MAPT: variants seen among roughly 807,000 people sequenced by gnomAD.
MAPT encodes the protein microtubule associated protein tau, also known as microtubule-associated protein tau.
A neutral mutation model predicts 67.9 loss-of-function variants in MAPT; 34 were observed. That is an observed-to-expected ratio of 0.50 (90% CI 0.38 to 0.67). MAPT has a LOEUF of 0.67. Among genes scored for constraint, MAPT ranks in the 30% least tolerant of loss-of-function variants. The probability of loss-of-function intolerance (pLI) is 0.00; values close to 1 mark genes in which losing one functional copy is unlikely to be tolerated. For synonymous variants in MAPT, 456 were observed against 464.5 expected, an observed-to-expected ratio of 0.98 and a Z score of 0.23; for missense variants, 881 against 1,115.2, an observed-to-expected ratio of 0.79 and a Z score of 2.99.
chr17:45,911,981 T>G (rs1340329348), intron 1 of MAPT, among the ~76,000 whole-genome samples: 2 of 152,176 alleles, frequency 1.3e-5, no homozygotes, highest in Non-Finnish European at 2.9e-5. Context: ...ATGCCTTAGA[T>G]TCTCCTGAAA....
At chr17:45,934,891 CG>C (rs66755419) in intron 1 of MAPT, among the ~76,000 whole-genome samples, 21,601 of 152,034 alleles carry the variant, frequency 0.14, 2,087 homozygotes, top group Middle Eastern at 0.22. Context: ...GTTTCCCCCC[CG>C]CTTCTTAGAA....
rs1598228028 is a variant in MAPT at position 45,974,557 on chromosome 17, C to T, written c.220+2612C>T. On this transcript the variant is annotated intron_variant, in intron 3 of 12. Coordinates refer to ENST00000262410, the MANE Select transcript of MAPT (RefSeq NM_001377265.1). ...CTGTGACAGAAGTGAGGGAGCTTTGCGTGTTTATCCTCCTGTGGGGCAGGA... is the reference window on the plus strand; with the variant it reads ...CTGTGACAGAAGTGAGGGAGCTTTGTGTGTTTATCCTCCTGTGGGGCAGGA... 11 of 1,073,158 alleles carry T rather than the reference C, an allele frequency of 1.0e-5. 1 individual carries two copies. The highest frequency in any genetic ancestry group is 1.4e-5 in the Non-Finnish European group (10 of 719,336). 66.5% of individuals were successfully genotyped at this position (1,073,158 alleles called of 1,614,324 possible). A position where few individuals can be genotyped will look rare whatever the true frequency, so the allele number is the denominator to read the frequency against.
intron 1 of MAPT, among the ~76,000 whole-genome samples, chr17:45,926,266 T>G (rs571914974): frequency 6.6e-6 from 1 of 151,882 alleles, no homozygotes; most frequent in Admixed American, 6.6e-5. Context: ...AACTATATAA[T>G]CCTTACTAAG....
At chr17:45,933,448 C>T (rs2067035671) in intron 1 of MAPT, among the ~76,000 whole-genome samples, 1 of 152,144 alleles carries the variant, frequency 6.6e-6, no homozygotes, top group African/African-American at 2.4e-5. Flanking sequence ...CCATGTTGCC[C>T]AGGCTGGTCT....
chr17:45,989,893 T>TTTG lies in MAPT; in HGVS notation c.1423_1424insTTG (p.Ser475delinsPheAla). On this transcript the variant is annotated protein_altering_variant, in exon 7 of 13. Transcript: ENST00000262410. ...TATGTTTAAGACATCCACACGTTCCTCTGCTAAAACCTTGAAAAATAGGCC... is the reference window on the plus strand; with the variant it reads ...TATGTTTAAGACATCCACACGTTCCTTTGCTGCTAAAACCTTGAAAAATAGGCC... 1 of 1,614,202 alleles carries TTTG rather than the reference T, an allele frequency of 6.2e-7. No individual in the cohort carries two copies. The highest frequency in any genetic ancestry group is 8.5e-7 in the Non-Finnish European group (1 of 1,180,002).
At position 45,983,417 on chromosome 17, in the gene MAPT, G is replaced by A; in HGVS notation, c.838G>A (p.Gly280Arg). 2 of 1,606,638 alleles carry A rather than the reference G, an allele frequency of 1.2e-6. No individual in the cohort carries two copies. Among genetic ancestry groups the A allele is most frequent in the Non-Finnish European group, 1.7e-6 (2 of 1,175,886 alleles). The change falls in exon 5 of 13, where the codon GGG becomes AGG. Residue 280 changes from glycine to arginine, a missense_variant. Around this residue, in one of 6 missense-constraint regions of MAPT, gnomAD observed 687 missense variants for 766.1 expected, o/e 0.90. Transcript: ENST00000262410. ...DLHQEGPPLK[G>R]AGGKERPGSK... Reference sequence around the variant, plus strand: ...GCACCAGGAGGGGCCGCCGCTGAAGGGGGCAGGGGGCAAAGAGAGGCCGGG... The same window carrying A: ...GCACCAGGAGGGGCCGCCGCTGAAGAGGGCAGGGGGCAAAGAGAGGCCGGG...
chr17:45,967,759 A>G (rs904069204), intron 2 of MAPT, among the ~76,000 whole-genome samples: 6 of 152,178 alleles, frequency 3.9e-5, no homozygotes, highest in African/African-American at 1.4e-4. Context: ...TCGGAGTTCA[A>G]CAGAGCCTTC....
intron 3 of MAPT, chr17:45,974,295 T>G (rs2072062237): frequency 1.1e-6 from 1 of 918,430 alleles, no homozygotes; most frequent in Non-Finnish European, 1.7e-6. Flanking sequence ...TCACTCCTCC[T>G]CCCTGCATTG....
intron 1 of MAPT, among the ~76,000 whole-genome samples, chr17:45,928,103 C>A (rs991530279): frequency 6.6e-6 from 1 of 151,768 alleles, no homozygotes; most frequent in Admixed American, 6.6e-5. Context: ...GACTCAGCCC[C>A]GATCTTTCTA....
At chr17:45,924,574 T>G (rs1203831324) in intron 1 of MAPT, among the ~76,000 whole-genome samples, 1 of 152,204 alleles carries the variant, frequency 6.6e-6, no homozygotes, top group Non-Finnish European at 1.5e-5. Flanking sequence ...CCACCCTCCC[T>G]GACCACGCAG....
chr17:46,006,983 T>A (rs28787973), intron 9 of MAPT, among the ~76,000 whole-genome samples: 28,955 of 82,558 alleles, frequency 0.35, 3,136 homozygotes, highest in East Asian at 0.59. Context: ...ATAAAATAAA[T>A]AAAATAAAAT....
chr17:45,954,580 A>G (rs55946323), intron 1 of MAPT, among the ~76,000 whole-genome samples: 21,816 of 152,204 alleles, frequency 0.14, 2,139 homozygotes, highest in Non-Finnish European at 0.22. Context: ...CTGTGATGGC[A>G]CCACTGCACC....
chr17:46,015,136 T>C (rs2076086354), intron 11 of MAPT, among the ~76,000 whole-genome samples: 1 of 152,148 alleles, frequency 6.6e-6, no homozygotes, highest in South Asian at 2.1e-4. Flanking sequence ...CCCAGTACTT[T>C]GGGAGGCTGA....
At chr17:45,978,649 G>C (rs2072634990) in intron 4 of MAPT, 2 of 577,502 alleles carry the variant, frequency 3.5e-6, no homozygotes, top group Middle Eastern at 4.5e-4. Context: ...TAATTCCTAA[G>C]GCATTTAGTG....
At position 45,970,056 on chromosome 17, in the gene MAPT, C is replaced by A. The variant is rs1056171267; in HGVS notation, c.134-1803C>A. 6.0e-5 allele frequency among the ~76,000 whole-genome samples: 9 copies of A among 148,968 alleles called. No homozygotes were observed. The East Asian group carries it at 1.8e-3, about 30-fold the overall frequency. On this transcript the variant is annotated intron_variant, in intron 2 of 12. Coordinates refer to ENST00000262410, the MANE Select transcript of MAPT (RefSeq NM_001377265.1). ...TCCATTCATCTATCCACCCATCCAT[C>A]CATCCATCCATCCATTCATCTATCC...
In MAPT at chr17:45,982,900, G is replaced by A. The variant is rs772581321; in HGVS notation, c.321G>A (p.Ala107=). Residue 107 remains alanine (A), a synonymous_variant, in exon 5 of 13, where the codon GCG becomes GCA. Coordinates refer to ENST00000262410, the MANE Select transcript of MAPT (RefSeq NM_001377265.1). The part of the protein sequence containing the change: ...ELRVPGRQRK[A]PERPLANEIS... ...GAGTTCCGGGCCGGCAGAGGAAGGC[G>A]CCTGAAAGGCCCCTGGCCAATGAGA... The A allele has an allele frequency of 3.2e-5, 42 of 1,326,458 alleles. No individual in the cohort carries two copies. The highest frequency in any genetic ancestry group is 3.4e-5 in the Non-Finnish European group (35 of 1,039,528). 82.2% of individuals were successfully genotyped at this position (1,326,458 alleles called of 1,614,324 possible). A position where few individuals can be genotyped will look rare whatever the true frequency, so the allele number is the denominator to read the frequency against.
intron 1 of MAPT, among the ~76,000 whole-genome samples, chr17:45,919,827 C>T (rs536230090): frequency 2.2e-4 from 34 of 152,342 alleles, no homozygotes; most frequent in Admixed American, 1.2e-3. Context: ...GTGGGAGGAT[C>T]GCTTGTGCCC....
chr17:46,004,522 G>A (rs1462330294), intron 9 of MAPT, among the ~76,000 whole-genome samples: 1 of 152,200 alleles, frequency 6.6e-6, no homozygotes. Context: ...CAGAGCTGAA[G>A]TGTAATATAT....
In MAPT at chr17:46,017,440, A is replaced by ATTTTTTTTTTTTT. The variant is rs76980614; in HGVS notation, c.2174-1160_2174-1148dup. ...AGGCACATGCCAACATGCCTGGCTA[A>ATTTTTTTTTTTTT]TTTTTTTTTTTTTTTTTTTTTTTTT... On this transcript the variant is annotated intron_variant, in intron 11 of 12. Transcript: ENST00000262410. Among the ~76,000 whole-genome samples the ATTTTTTTTTTTTT allele has an allele frequency of 3.1e-3, 195 of 62,984 alleles. 22 individuals are homozygous for ATTTTTTTTTTTTT. The highest frequency in any genetic ancestry group is 4.0e-3 in the African/African-American group (50 of 12,634). The allele number at this position is 62,984 out of a possible 152,430, so 41.3% of individuals were successfully genotyped here.
Sources: allele counts gnomAD v4.1 joint callset (sites outside exome capture counted in the v4.1 genomes callset), GRCh38; gene constraint gnomAD v4.1.1; regional missense constraint gnomAD v4.1.1; transcripts MANE v1.5; gene names NCBI Gene and HGNC (gene_info 2026-07-23, HGNC 2026-07-21).